The following ROBO2 variants were observed in gnomAD, a reference collection of about 807,000 sequenced individuals.
ROBO2 encodes roundabout guidance receptor 2, also known as roundabout homolog 2.
In ROBO2, 53 loss-of-function variants were observed where a neutral mutation model predicts 160.8. The ratio of observed to expected loss-of-function variants is 0.33; its 90% confidence interval spans 0.26 to 0.41. The LOEUF (loss-of-function observed/expected upper bound fraction) is 0.41. ROBO2 is among the 10% of genes least tolerant of loss of function. The probability of loss-of-function intolerance (pLI) is 1.00; values close to 1 mark genes in which losing one functional copy is unlikely to be tolerated. For synonymous variants in ROBO2, 664 were observed against 611.7 expected, an observed-to-expected ratio of 1.09 and a Z score of -1.26; for missense variants, 1,577 against 1,722.4, an observed-to-expected ratio of 0.92 and a Z score of 1.49.
intron 2 of ROBO2, among the ~76,000 whole-genome samples, chr3:76,771,267 C>A (rs1018363814): frequency 7.3e-5 from 11 of 151,164 alleles, no homozygotes; most frequent in African/African-American, 2.7e-4. Context: ...TGATTACATG[C>A]TGAAATGATA....
At chr3:76,148,217 C>T (rs534792365) in intron 2 of ROBO2, among the ~76,000 whole-genome samples, 17 of 152,062 alleles carry the variant, frequency 1.1e-4, no homozygotes, top group African/African-American at 4.1e-4. Flanking sequence ...AAATATACTA[C>T]CCCCTTAAAA....
chr3:76,402,497 A>G (rs974383687), intron 2 of ROBO2, among the ~76,000 whole-genome samples: 3 of 151,558 alleles, frequency 2.0e-5, no homozygotes, highest in African/African-American at 7.3e-5. Context: ...TAAATGACAC[A>G]AATGTATTAT....
Position 77,471,846 on chromosome 3 carries a change from A to G in ROBO2, c.389-5568A>G, listed in dbSNP as rs565848464. On this transcript the variant is annotated intron_variant, in intron 2 of 25. Transcript: ENST00000461745. ...TTGAGGAGATGAATGGGCCTGAAGA[A>G]CAAAGGGTGGCCTGGGACAACATTT... is the stretch of plus-strand genomic sequence containing the variant. Among the ~76,000 whole-genome samples the G allele has an allele frequency of 2.6e-5, 4 of 152,296 alleles. No homozygotes were observed. In the South Asian group the frequency reaches 8.3e-4, roughly 32 times the overall value.
intron 2 of ROBO2, among the ~76,000 whole-genome samples, chr3:76,252,758 T>TAC (rs113177987): frequency 0.013 from 721 of 53,612 alleles, 7 homozygotes; most frequent in African/African-American, 0.022. Flanking sequence ...TGTATATGTA[T>TAC]ACACACACAC....
intron 1 of ROBO2, among the ~76,000 whole-genome samples, chr3:77,049,449 G>A (rs2065007773): frequency 6.6e-6 from 1 of 152,128 alleles, no homozygotes; most frequent in Admixed American, 6.5e-5. Context: ...TTTGGTGTGG[G>A]TTCAATGATA....
At chr3:77,293,131 A>G (rs1417846398) in intron 2 of ROBO2, among the ~76,000 whole-genome samples, 2 of 151,430 alleles carry the variant, frequency 1.3e-5, no homozygotes, top group Admixed American at 6.6e-5. Flanking sequence ...ATCACCCCAG[A>G]CATAAAGTAA....
At chr3:76,196,881 TA>T (rs2107221403) in intron 2 of ROBO2, among the ~76,000 whole-genome samples, 1 of 152,294 alleles carries the variant, frequency 6.6e-6, no homozygotes, top group Admixed American at 6.5e-5. Context: ...CACTAGGTAT[TA>T]AGTAAATGGA....
chr3:77,196,382 C>A (rs2082312185), intron 2 of ROBO2, among the ~76,000 whole-genome samples: 1 of 149,816 alleles, frequency 6.7e-6, no homozygotes, highest in Admixed American at 6.7e-5. Flanking sequence ...AATTCGCAAA[C>A]CCAGATCTCT....
chr3:76,228,668 A>G (rs1244601573), intron 2 of ROBO2, among the ~76,000 whole-genome samples: 1 of 152,176 alleles, frequency 6.6e-6, no homozygotes, highest in Non-Finnish European at 1.5e-5. Context: ...TACATAAATT[A>G]TGTCAACATC....
At chr3:77,082,670 G>C (rs899651065) in intron 1 of ROBO2, among the ~76,000 whole-genome samples, 1 of 150,368 alleles carries the variant, frequency 6.7e-6, no homozygotes, top group Non-Finnish European at 1.5e-5. Flanking sequence ...TTCAGTGTTT[G>C]GTACATTTGA....
intron 2 of ROBO2, among the ~76,000 whole-genome samples, chr3:77,177,698 G>C (rs1432481133): frequency 5.9e-5 from 9 of 151,722 alleles, no homozygotes; most frequent in African/African-American, 1.9e-4. Flanking sequence ...TTACAGTCTA[G>C]TTTTCTATTT....
chr3:76,301,272 A>G (rs1709342701), intron 2 of ROBO2, among the ~76,000 whole-genome samples: 1 of 152,132 alleles, frequency 6.6e-6, no homozygotes, highest in Admixed American at 6.6e-5. Flanking sequence ...CCTAGTTTTT[A>G]AAGAATCATT....
At chr3:77,464,539 G>C (rs2153574659) in intron 2 of ROBO2, among the ~76,000 whole-genome samples, 1 of 152,290 alleles carries the variant, frequency 6.6e-6, no homozygotes, top group South Asian at 2.1e-4. Flanking sequence ...ACTACTTAGA[G>C]TTACAGGGGG....
intron 9 of ROBO2, among the ~76,000 whole-genome samples, 184 bp downstream of exon 10, chr3:77,558,333 C>T (rs769329483): frequency 9.9e-5 from 15 of 152,042 alleles, no homozygotes; most frequent in Non-Finnish European, 1.6e-4. Flanking sequence ...ACAGTTTTTA[C>T]GTTACTCACA....
chr3:77,143,036 G>T (rs1485494033), intron 2 of ROBO2, among the ~76,000 whole-genome samples: 1 of 152,046 alleles, frequency 6.6e-6, no homozygotes, highest in Non-Finnish European at 1.5e-5. Context: ...TGAAAGCCCA[G>T]CAAATCCAGA....
At chr3:76,129,274 T>C (rs2071129024) in intron 2 of ROBO2, among the ~76,000 whole-genome samples, 2 of 152,086 alleles carry the variant, frequency 1.3e-5, no homozygotes, top group Non-Finnish European at 2.9e-5. Context: ...TGCTGTACAG[T>C]AGTGAATGAG....
chr3:77,438,111 C>A (rs1416844865), intron 2 of ROBO2, among the ~76,000 whole-genome samples: 1 of 151,772 alleles, frequency 6.6e-6, no homozygotes, highest in Non-Finnish European at 1.5e-5. Context: ...ACTTTTCAAC[C>A]TACACAGCCT....
chr3:76,906,066 C>T (rs1274328175), intron 2 of ROBO2, among the ~76,000 whole-genome samples: 3 of 152,124 alleles, frequency 2.0e-5, no homozygotes, highest in Admixed American at 1.3e-4. Context: ...TAATGAACTG[C>T]TTCTCTCAAA....
Position 76,681,276 on chromosome 3 carries a change from G to A in ROBO2, c.110-416738G>A, listed in dbSNP as rs77999035. Among the ~76,000 whole-genome samples the A allele has an allele frequency of 2.0e-3, 304 of 152,200 alleles. 2 individuals carry two copies. Among genetic ancestry groups the A allele is most frequent in the African/African-American group, 7.2e-3 (298 of 41,528 alleles). On this transcript the variant is annotated intron_variant, in intron 2 of 26. Coordinates refer to the ROBO2 transcript ENST00000487694. ...TCTGTTGGTTGAGTACATGTGAGGG[G>A]AAAGCATAATTTGACCATGTTGATG...
Sources: gnomAD v4.1 joint callset for allele counts (sites outside exome capture counted in the v4.1 genomes callset) on GRCh38, gnomAD v4.1.1 for gene constraint, MANE v1.5 for transcripts, NCBI Gene and HGNC (gene_info 2026-07-23, HGNC 2026-07-21) for gene names.